The following CACNB2 variants were observed in gnomAD, a reference collection of about 807,000 sequenced individuals.
CACNB2 encodes the protein voltage-dependent L-type calcium channel subunit beta-2.
A neutral mutation model predicts 73.3 loss-of-function variants in CACNB2; 42 were observed. The ratio of observed to expected loss-of-function variants is 0.57; its 90% CI spans 0.45 to 0.74. The LOEUF is 0.74. CACNB2 is among the 30% of genes least tolerant of loss of function. The pLI is 0.00. For missense variants in CACNB2, 940 were observed against 853.0 expected (o/e 1.10, Z -1.27); for synonymous variants, 348 against 310.3 (o/e 1.12, Z -1.28).
intron 3 of CACNB2, among the ~76,000 whole-genome samples, chr10:18,489,371 C>T (rs1196095405): frequency 2.4e-5 from 2 of 84,828 alleles, no homozygotes; most frequent in Admixed American, 1.9e-4. Context: ...GCCTGGGCAA[C>T]AAGAGTGAAA....
At chr10:18,148,991 CA>C (rs1423470062) in intron 1 of CACNB2, among the ~76,000 whole-genome samples, 2 of 126,028 alleles carry the variant, frequency 1.6e-5, no homozygotes, top group Non-Finnish European at 3.2e-5. Flanking sequence ...GGTGACAGCA[CA>C]AGACACTGTC....
chr10:18,521,372 G>T (rs533403521), intron 9 of CACNB2, among the ~76,000 whole-genome samples: 1 of 152,274 alleles, frequency 6.6e-6, no homozygotes, highest in Admixed American at 6.5e-5. Context: ...GTGTGTGAAG[G>T]CTTTGAGGTA....
intron 3 of CACNB2, among the ~76,000 whole-genome samples, chr10:18,438,250 C>T (rs1414816558): frequency 6.9e-6 from 1 of 144,364 alleles, no homozygotes; most frequent in African/African-American, 2.6e-5. Context: ...AGGATGGTCT[C>T]CATCTCCTGA....
chr10:18,227,810 C>G (rs1489555907), intron 2 of CACNB2, among the ~76,000 whole-genome samples: 1 of 152,160 alleles, frequency 6.6e-6, no homozygotes, highest in African/African-American at 2.4e-5. Context: ...TGTTGTCATA[C>G]AAGAGACAGT....
rs565863657 is a variant in CACNB2 at position 18,315,811 on chromosome 10, A to G, written c.214-86113A>G. 2.6e-4 allele frequency among the ~76,000 whole-genome samples: 40 copies of G among 152,212 alleles called. 1 individual carries two copies. The highest frequency in any genetic ancestry group is 2.1e-4 in the Non-Finnish European group (14 of 68,038). ...TGATGTGTAGCGCTTTCCAATTTCC[A>G]TGGTATAAATACTCCCACCATGGAC... On this transcript the variant is annotated intron_variant, in intron 2 of 13. Coordinates refer to ENST00000324631, the MANE Select transcript of CACNB2 (RefSeq NM_201596.3).
rs532044377 is a variant in CACNB2, at chr10:18,464,642, T to A, written c.334-33713T>A. On this transcript the variant is annotated intron_variant, in intron 3 of 13. Coordinates refer to ENST00000324631, the MANE Select transcript of CACNB2 (RefSeq NM_201596.3). The stretch of plus-strand genomic sequence containing the variant: ...CCATCAATAAGCCCTGTTGTTTCTA[T>A]AATAACTCTAAAATACACCCAGCTT... Among the ~76,000 whole-genome samples, 11 of 152,180 alleles carry A rather than the reference T, an allele frequency of 7.2e-5. 1 individual carries two copies. The South Asian group carries it at 2.1e-3, about 29-fold the overall frequency.
At chr10:18,417,875 A>G (rs2045084267) in intron 3 of CACNB2, among the ~76,000 whole-genome samples, 1 of 152,148 alleles carries the variant, frequency 6.6e-6, no homozygotes, top group Admixed American at 6.5e-5. Context: ...AGTTAAAATG[A>G]AACGATTTAA....
At chr10:18,499,786 CA>C (rs1357355744) in intron 4 of CACNB2, among the ~76,000 whole-genome samples, 1 of 90,410 alleles carries the variant, frequency 1.1e-5, no homozygotes, top group Non-Finnish European at 2.2e-5. Context: ...GCCTGGGCAA[CA>C]GGGTAAAACC....
At chr10:18,355,466 A>T (rs936741121) in intron 2 of CACNB2, among the ~76,000 whole-genome samples, 5 of 152,146 alleles carry the variant, frequency 3.3e-5, no homozygotes, top group African/African-American at 1.2e-4. Flanking sequence ...AGGATCATGA[A>T]TGATATCACA....
chr10:18,179,327 T>A (rs2033761350), intron 2 of CACNB2, among the ~76,000 whole-genome samples: 1 of 152,162 alleles, frequency 6.6e-6, no homozygotes, highest in Non-Finnish European at 1.5e-5. Flanking sequence ...CTAAGACCAC[T>A]AATAAAGGTC....
chr10:18,167,112 TG>T (rs1328327405), intron 2 of CACNB2, among the ~76,000 whole-genome samples: 1 of 152,212 alleles, frequency 6.6e-6, no homozygotes, highest in Non-Finnish European at 1.5e-5. Context: ...AATTATTAGC[TG>T]CTTAAAAAAG....
chr10:18,237,522 G>A (rs1757234), intron 2 of CACNB2, among the ~76,000 whole-genome samples: 21,586 of 152,138 alleles, frequency 0.14, 1,605 homozygotes, highest in Admixed American at 0.2. Flanking sequence ...CCTCAGAAAT[G>A]GCATGGCCTT....
intron 3 of CACNB2, among the ~76,000 whole-genome samples, chr10:18,425,813 A>T (rs1575835): frequency 0.57 from 86,718 of 152,224 alleles, 25,377 homozygotes; most frequent in East Asian, 0.77. Flanking sequence ...CTTTTGTATA[A>T]GGAGTGAGAT....
intron 3 of CACNB2, among the ~76,000 whole-genome samples, chr10:18,418,043 C>A (rs186819630): frequency 1.6e-4 from 24 of 152,072 alleles, no homozygotes; most frequent in Admixed American, 6.6e-4. Context: ...TGCTGTAGTG[C>A]AGGAGTGCAG....
chr10:18,150,880 T>TTTTTTTTTTTTTTTTTTTTTTC lies in CACNB2; in HGVS notation c.121-3_121-2insTTTTTTTTTTTTTTTTTTTTTC. 7.7e-7 allele frequency: 1 copy of TTTTTTTTTTTTTTTTTTTTTTC among 1,300,366 alleles called. No individual in the cohort carries two copies. Among genetic ancestry groups the TTTTTTTTTTTTTTTTTTTTTTC allele is most frequent in the East Asian group, 2.4e-5 (1 of 41,350 alleles). 80.6% of individuals were successfully genotyped at this position (1,300,366 alleles called of 1,614,324 possible). A position where few individuals can be genotyped will look rare whatever the true frequency, so the allele number is the denominator to read the frequency against. On this transcript the variant is annotated splice_polypyrimidine_tract_variant and splice_region_variant and intron_variant, in intron 1 of 13. Transcript: ENST00000324631. ...CTTTTTTTTTTTTTTTTTTTTTTTT[T>TTTTTTTTTTTTTTTTTTTTTTC]AGTCATATGGAAAAGGAGCCAGAAG...
intron 2 of CACNB2, among the ~76,000 whole-genome samples, chr10:18,239,063 AT>A (rs1341896295): frequency 6.6e-6 from 1 of 152,200 alleles, no homozygotes; most frequent in Admixed American, 6.5e-5. Context: ...TGGGGGCAGT[AT>A]TCTTTAGCAA....
chr10:18,419,277 A>T (rs2045186260), intron 3 of CACNB2, among the ~76,000 whole-genome samples: 1 of 152,228 alleles, frequency 6.6e-6, no homozygotes, highest in Admixed American at 6.5e-5. Flanking sequence ...GGAGTATAGA[A>T]ACCCTTTAAT....
intron 2 of CACNB2, among the ~76,000 whole-genome samples, chr10:18,183,574 C>T (rs965531912): frequency 8.5e-5 from 13 of 152,128 alleles, no homozygotes; most frequent in African/African-American, 3.1e-4. Flanking sequence ...AGGGGAACCC[C>T]TCTTTATAAA....
chr10:18,534,032 C>T (rs989413539), intron 10 of CACNB2, 44 bp from the exon 11 acceptor site: 3 of 1,605,714 alleles, frequency 1.9e-6, no homozygotes, highest in Non-Finnish European at 2.6e-6. Flanking sequence ...TTTACTTTAT[C>T]TTAAAAATAC....
Sources: gnomAD v4.1 joint callset for allele counts (sites outside exome capture counted in the v4.1 genomes callset) on GRCh38, gnomAD v4.1.1 for gene constraint, MANE v1.5 for transcripts, NCBI Gene and HGNC (gene_info 2026-07-23, HGNC 2026-07-21) for gene names.